The following MED13L variants were observed in gnomAD, a reference collection of about 807,000 sequenced individuals.
MED13L encodes the protein mediator complex subunit 13L.
Under a neutral mutation model 220.9 loss-of-function variants are expected in MED13L, and 7 were observed. The observed-to-expected ratio is 0.03, with a 90% CI of 0.02 to 0.06. The LOEUF is 0.06. Among genes scored for constraint, MED13L ranks in the 10% least tolerant of loss-of-function variants. MED13L has a pLI of 1.00. For synonymous variants in MED13L, 1,011 were observed against 1,015.2 expected (o/e 1.00, Z 0.08); for missense variants, 1,965 against 2,760.5 (o/e 0.71, Z 6.46).
At chr12:116,133,708 T>C (rs1386981253) in intron 2 of MED13L, among the ~76,000 whole-genome samples, 7 of 152,212 alleles carry the variant, frequency 4.6e-5, no homozygotes, top group East Asian at 1.9e-4. Flanking sequence ...TCTTTGTAAC[T>C]GCCTCAACAA....
chr12:116,147,760 T>C (rs1289517417), intron 2 of MED13L, among the ~76,000 whole-genome samples: 2 of 152,114 alleles, frequency 1.3e-5, no homozygotes, highest in African/African-American at 2.4e-5. Flanking sequence ...CATCCTTATA[T>C]TGTTCAAATA....
chr12:115,983,915 C>T (rs1877509762), intron 20 of MED13L, among the ~76,000 whole-genome samples: 1 of 152,172 alleles, frequency 6.6e-6, no homozygotes, highest in African/African-American at 2.4e-5. Flanking sequence ...TGGGTTAAAA[C>T]TAAGCAGCTA....
intron 2 of MED13L, among the ~76,000 whole-genome samples, chr12:116,188,955 T>C (rs187980074): frequency 6.6e-6 from 1 of 152,200 alleles, no homozygotes; most frequent in Non-Finnish European, 1.5e-5. Flanking sequence ...GTTTAACCTT[T>C]CATCTGCTGA....
chr12:116,005,688 T>C (rs1879004659), intron 13 of MED13L, among the ~76,000 whole-genome samples, 181 bp downstream of exon 13: 1 of 152,164 alleles, frequency 6.6e-6, no homozygotes, highest in Non-Finnish European at 1.5e-5. Context: ...TTTCCAAGTA[T>C]ACAAACTTTT....
At chr12:116,179,785 A>G (rs1251463444) in intron 2 of MED13L, among the ~76,000 whole-genome samples, 1 of 152,124 alleles carries the variant, frequency 6.6e-6, no homozygotes, top group South Asian at 2.1e-4. Flanking sequence ...TCTTACATAC[A>G]ACCCTACATG....
At chr12:116,166,053 T>C (rs1879245215) in intron 2 of MED13L, among the ~76,000 whole-genome samples, 1 of 152,204 alleles carries the variant, frequency 6.6e-6, no homozygotes, top group African/African-American at 2.4e-5. Flanking sequence ...TCAGTTCAAA[T>C]GCCACTTTAT....
intron 3 of MED13L, among the ~76,000 whole-genome samples, chr12:116,108,610 T>C (rs995882511): frequency 6.6e-6 from 1 of 152,200 alleles, no homozygotes; most frequent in Non-Finnish European, 1.5e-5. Context: ...AAAATTATTA[T>C]CTTAAAGAAC....
At chr12:116,040,905 T>G (rs901155752) in intron 4 of MED13L, among the ~76,000 whole-genome samples, 10 of 152,084 alleles carry the variant, frequency 6.6e-5, no homozygotes, top group Non-Finnish European at 1.5e-5. Flanking sequence ...GACCTAGATG[T>G]AGACAATCTA....
chr12:116,012,879 T>C lies in MED13L; in HGVS notation c.1198A>G (p.Thr400Ala), dbSNP rs143469047. Reference sequence around the variant, plus strand: ...TTGCTAGCAGGCTCTTCTTCAAGAGTTGGAGTTGACATTTGGCTCCTCCTA... The same window carrying C: ...TTGCTAGCAGGCTCTTCTTCAAGAGCTGGAGTTGACATTTGGCTCCTCCTA... ...QSKRSQMSTP[T>A]LEEEPASNPA... is the part of the protein sequence containing the mutation. The change falls in exon 9 of 31, where the codon ACT (threonine) becomes GCT (alanine). Residue 400 changes from threonine to alanine, a missense_variant. Physicochemically the swap from Thr to Ala is moderately conservative, Grantham distance 58 (BLOSUM62 0). Coordinates refer to ENST00000281928, the MANE Select transcript of MED13L (RefSeq NM_015335.5). 105 of 1,613,700 alleles carry C rather than the reference T, an allele frequency of 6.5e-5. No homozygotes were observed. Among genetic ancestry groups the C allele is most frequent in the South Asian group, 6.3e-4 (57 of 91,068 alleles).
intron 4 of MED13L, among the ~76,000 whole-genome samples, chr12:116,023,243 C>A (rs1394370608): frequency 6.6e-6 from 1 of 152,174 alleles, no homozygotes; most frequent in Non-Finnish European, 1.5e-5. Flanking sequence ...TTGCAGTGAA[C>A]TGTGATCAAG....
chr12:116,025,235 G>A (rs577310257), intron 4 of MED13L, among the ~76,000 whole-genome samples: 1 of 152,290 alleles, frequency 6.6e-6, no homozygotes, highest in East Asian at 1.9e-4. Context: ...GATAACAAGT[G>A]TTGGCAAGGA....
At chr12:116,206,311 C>T (rs1052969499) in intron 2 of MED13L, among the ~76,000 whole-genome samples, 3 of 151,976 alleles carry the variant, frequency 2.0e-5, no homozygotes, top group Non-Finnish European at 2.9e-5. Context: ...GAACTCCTGA[C>T]CTCAGGTGAT....
At position 116,243,575 on chromosome 12, in the gene MED13L, T is replaced by C. The variant is rs147726068; in HGVS notation, c.73-5870A>G. Among the ~76,000 whole-genome samples, 6 of 152,094 alleles carry C rather than the reference T, an allele frequency of 3.9e-5. No homozygotes were observed. In the East Asian group the frequency reaches 1.2e-3, roughly 29 times the overall value. ...AGTGTCCTATTCTTCACATACAATA[T>C]ACAGGAAATGAGATTATTTATTTGC... On this transcript the variant is annotated intron_variant, in intron 1 of 30. Coordinates refer to ENST00000281928, the MANE Select transcript of MED13L (RefSeq NM_015335.5).
intron 1 of MED13L, among the ~76,000 whole-genome samples, chr12:116,240,346 C>G (rs1459745970): frequency 6.6e-6 from 1 of 152,126 alleles, no homozygotes; most frequent in Non-Finnish European, 1.5e-5. Context: ...GTCCACCCAC[C>G]TCGGCCTCCC....
intron 2 of MED13L, among the ~76,000 whole-genome samples, chr12:116,149,103 G>A (rs1247668175): frequency 6.6e-6 from 1 of 152,028 alleles, no homozygotes; most frequent in Non-Finnish European, 1.5e-5. Flanking sequence ...CGTACCATGT[G>A]CCCAGAATAG....
intron 2 of MED13L, among the ~76,000 whole-genome samples, chr12:116,198,791 T>C (rs1037738754): frequency 6.6e-6 from 1 of 152,130 alleles, no homozygotes; most frequent in Admixed American, 6.5e-5. Context: ...ATGCAAAACC[T>C]ATTTGATGAA....
intron 4 of MED13L, among the ~76,000 whole-genome samples, chr12:116,024,895 G>C (rs7974638): frequency 0.15 from 22,007 of 150,500 alleles, 1,856 homozygotes; most frequent in Middle Eastern, 0.21. Flanking sequence ...CTTTCCTCTA[G>C]TATGTGCTCT....
rs1193756996 is a variant in MED13L, at chr12:115,959,979, A to T, written c.*1287T>A. The T allele has an allele frequency of 4.6e-5, 7 of 152,574 alleles. No individual in the cohort carries two copies. The highest frequency in any genetic ancestry group is 1.5e-5 in the Non-Finnish European group (1 of 68,036). 9.5% of individuals were successfully genotyped at this position (152,574 alleles called of 1,614,324 possible). ...TACACACCCACTGTCCTCAGACAGAAACACACAACACAAGGGTTAGAAACA... is the reference window on the plus strand; with the variant it reads ...TACACACCCACTGTCCTCAGACAGATACACACAACACAAGGGTTAGAAACA... On this transcript the variant is annotated 3_prime_UTR_variant, in exon 31 of 31. Transcript: ENST00000281928.
At chr12:116,054,789 C>T (rs958142654) in intron 4 of MED13L, among the ~76,000 whole-genome samples, 2 of 152,168 alleles carry the variant, frequency 1.3e-5, no homozygotes. Context: ...TGGAAAATTG[C>T]TTGGCAGTAT....
Sources: gnomAD v4.1 joint callset for allele counts (sites outside exome capture counted in the v4.1 genomes callset) on GRCh38, gnomAD v4.1.1 for gene constraint, MANE v1.5 for transcripts, NCBI Gene and HGNC (gene_info 2026-07-23, HGNC 2026-07-21) for gene names.